Variants in RIPK2 observed in about 807,000 individuals in gnomAD.
RIPK2 encodes the protein receptor interacting serine/threonine kinase 2.
In RIPK2, 38 loss-of-function variants were observed where a neutral mutation model predicts 60.9. That is an observed-to-expected ratio of 0.62 (90% CI 0.48 to 0.82). The LOEUF (loss-of-function observed/expected upper bound fraction) is 0.82. Among genes scored for constraint, RIPK2 ranks in the 40% least tolerant of loss-of-function variants. RIPK2 has a pLI of 0.00. For missense variants in RIPK2, 518 were observed against 647.0 expected (o/e 0.80, Z 2.16); for synonymous variants, 225 against 223.4 (o/e 1.01, Z -0.06).
In RIPK2 at chr8:89,769,900, A is replaced by G; in HGVS notation, c.612A>G (p.Ser204=). The G allele has an allele frequency of 6.2e-7, 1 of 1,607,642 alleles. No individual in the cohort carries two copies. The change falls in exon 4 of 11, where the codon TCA becomes TCG. Residue 204 remains serine, a synonymous_variant. Transcript: ENST00000220751. ...PPENYEPGQK[S]RASIKHDIYS... ...AAAACTATGAACCTGGACAAAAATC[A>G]AGGGCCAGTATCAAGCACGATATAT...
chr8:89,767,683 T>C (rs962991691), intron 3 of RIPK2, among the ~76,000 whole-genome samples: 5 of 151,790 alleles, frequency 3.3e-5, no homozygotes, highest in Non-Finnish European at 7.4e-5. Flanking sequence ...AATTGAATAA[T>C]TGTGACATTT....
chr8:89,769,204 A>G (rs1320907704), intron 3 of RIPK2, among the ~76,000 whole-genome samples: 1 of 151,842 alleles, frequency 6.6e-6, no homozygotes, highest in African/African-American at 2.4e-5. Context: ...TTTTCTTTGC[A>G]ATTATACTGT....
In RIPK2 at chr8:89,758,015, G is replaced by A; in HGVS notation, c.-46G>A. 2 of 1,494,688 alleles carry A rather than the reference G, an allele frequency of 1.3e-6. No homozygotes were observed. Among genetic ancestry groups the A allele is most frequent in the Non-Finnish European group, 1.8e-6 (2 of 1,117,814 alleles). The allele number at this position is 1,494,688 out of a possible 1,614,324, so 92.6% of individuals were successfully genotyped here. A position where few individuals can be genotyped will look rare whatever the true frequency, so the allele number is the denominator to read the frequency against. On this transcript the variant is annotated 5_prime_UTR_variant, in exon 1 of 11. Transcript: ENST00000220751. ...GCGCGGCGTGGGAGCCTTGGGAGCC[G>A]CCGCAGCAGGGGGCACACCCGGAAC... is the stretch of plus-strand genomic sequence containing the variant.
chr8:89,775,393 G>T (rs1036478394), intron 6 of RIPK2, among the ~76,000 whole-genome samples: 5 of 152,154 alleles, frequency 3.3e-5, no homozygotes, highest in Non-Finnish European at 7.3e-5. Flanking sequence ...TGAGGCTGCA[G>T]TGAGCCTTGA....
intron 6 of RIPK2, among the ~76,000 whole-genome samples, chr8:89,776,180 T>G (rs920313138): frequency 6.6e-6 from 1 of 152,144 alleles, no homozygotes; most frequent in African/African-American, 2.4e-5. Context: ...TTCTCCAAGT[T>G]TAATAAATGA....
At chr8:89,768,628 T>C (rs1563611892) in intron 3 of RIPK2, among the ~76,000 whole-genome samples, 2 of 151,810 alleles carry the variant, frequency 1.3e-5, no homozygotes, top group African/African-American at 4.8e-5. Flanking sequence ...TTTTCTCAGC[T>C]GTTCTCATGA....
chr8:89,762,798 AC>A (rs777384724), intron 1 of RIPK2, 30 bp from the exon 2 acceptor site: 1 of 1,199,712 alleles, frequency 8.3e-7, no homozygotes, highest in Non-Finnish European at 1.1e-6. Flanking sequence ...TTTTTTTATT[AC>A]TTGAATAATT....
In RIPK2 at chr8:89,757,825, C is replaced by T. The variant is rs1276214407; in HGVS notation, c.-236C>T. 7.9e-7 allele frequency: 1 copy of T among 1,268,390 alleles called. No homozygotes were observed. Among genetic ancestry groups the T allele is most frequent in the Non-Finnish European group, 9.9e-7 (1 of 1,005,630 alleles). The allele number at this position is 1,268,390 out of a possible 1,614,324, so 78.6% of individuals were successfully genotyped here. A position where few individuals can be genotyped will look rare whatever the true frequency, so the allele number is the denominator to read the frequency against. On this transcript the variant is annotated 5_prime_UTR_variant, in exon 1 of 11. Transcript: ENST00000220751. Reference sequence around the variant, plus strand: ...TGCGAGAGAGGAAGCTCTTTCGCGGCGCTACGGCGTTGGCACCAGTCTCTA... The same window carrying T: ...TGCGAGAGAGGAAGCTCTTTCGCGGTGCTACGGCGTTGGCACCAGTCTCTA...
intron 1 of RIPK2, chr8:89,759,475 C>T (rs922094442): frequency 6.8e-6 from 3 of 443,316 alleles, no homozygotes; most frequent in Non-Finnish European, 9.2e-6. Flanking sequence ...ATAAATTCCT[C>T]AGCTTCCGCC....
At chr8:89,789,269 T>C (rs1809635552) in intron 9 of RIPK2, 52 bp from the exon 10 acceptor site, 20 of 1,499,780 alleles carry the variant, frequency 1.3e-5, no homozygotes, top group African/African-American at 5.5e-5. Context: ...TGTTAGCCAA[T>C]AGGAATTTCT....
intron 1 of RIPK2, among the ~76,000 whole-genome samples, chr8:89,760,517 C>T (rs1809127249): frequency 6.6e-6 from 1 of 152,202 alleles, no homozygotes; most frequent in Non-Finnish European, 1.5e-5. Flanking sequence ...AAATTTCCCA[C>T]TCACTCAATC....
chr8:89,765,927 A>T (rs1430085254), intron 3 of RIPK2, among the ~76,000 whole-genome samples: 1 of 151,766 alleles, frequency 6.6e-6, no homozygotes, highest in Non-Finnish European at 1.5e-5. Flanking sequence ...TGTTCATAGT[A>T]ACCGCAACAA....
chr8:89,768,999 TG>T (rs908512453), intron 3 of RIPK2, among the ~76,000 whole-genome samples: 18 of 151,806 alleles, frequency 1.2e-4, no homozygotes, highest in Non-Finnish European at 2.5e-4. Flanking sequence ...ATATTATTTC[TG>T]TTCTTACATT....
At chr8:89,779,310 G>GTTTTTTTTTTTTT (rs55784154) in intron 6 of RIPK2, among the ~76,000 whole-genome samples, 16 of 79,110 alleles carry the variant, frequency 2.0e-4, no homozygotes, top group South Asian at 5.0e-4. Flanking sequence ...CGGTTTTTGG[G>GTTTTTTTTTTTTT]TTTTTTTTTT....
intron 4 of RIPK2, 73 bp downstream of exon 4, chr8:89,770,002 C>T: frequency 8.3e-7 from 1 of 1,207,088 alleles, no homozygotes; most frequent in South Asian, 1.6e-5. Flanking sequence ...AATTTTGAAG[C>T]TACATTTTAA....
intron 4 of RIPK2, 106 bp from the exon 5 acceptor site, chr8:89,771,635 C>G: frequency 1.5e-6 from 1 of 683,026 alleles, no homozygotes; most frequent in East Asian, 2.8e-5. Context: ...TGCCTTATCA[C>G]TTTGAAAAAT....
chr8:89,766,916 A>G (rs2130550976), intron 3 of RIPK2, among the ~76,000 whole-genome samples: 1 of 151,426 alleles, frequency 6.6e-6, no homozygotes, highest in African/African-American at 2.4e-5. Flanking sequence ...TCTTCATCAG[A>G]TATGTAGTTT....
intron 3 of RIPK2, among the ~76,000 whole-genome samples, chr8:89,766,644 A>T (rs1316936199): frequency 4.0e-5 from 6 of 151,194 alleles, no homozygotes; most frequent in African/African-American, 1.5e-4. Context: ...CAAAATGATA[A>T]TACCAAATGC....
In RIPK2 at chr8:89,780,339, C is replaced by T. The variant is rs1809477748; in HGVS notation, c.939+179C>T. 8 of 357,312 alleles carry T rather than the reference C, an allele frequency of 2.2e-5. No individual in the cohort carries two copies. The South Asian group carries it at 3.6e-4, about 16-fold the overall frequency. The allele number at this position is 357,312 out of a possible 1,614,324, so 22.1% of individuals were successfully genotyped here. ...ACTACTTTTCCTTTGTCACCAAAAGCTTTTCTATTTCATTCAAATGGCCAC... is the reference window on the plus strand; with the variant it reads ...ACTACTTTTCCTTTGTCACCAAAAGTTTTTCTATTTCATTCAAATGGCCAC... On this transcript the variant is annotated intron_variant, in intron 7 of 10. Coordinates refer to ENST00000220751, the MANE Select transcript of RIPK2 (RefSeq NM_003821.6).
Sources: allele counts gnomAD v4.1 joint callset (sites outside exome capture counted in the v4.1 genomes callset), GRCh38; gene constraint gnomAD v4.1.1; transcripts MANE v1.5; gene names NCBI Gene and HGNC (gene_info 2026-07-23, HGNC 2026-07-21).